The following CDK8 variants were observed in gnomAD, a reference collection of about 807,000 sequenced individuals.
CDK8 encodes cyclin-dependent kinase 8.
Under a neutral mutation model 71.5 loss-of-function variants are expected in CDK8, and 29 were observed. The observed-to-expected ratio is 0.41, with a 90% CI of 0.30 to 0.55. The LOEUF (loss-of-function observed/expected upper bound fraction) is 0.55, where lower values mean the gene tolerates loss of function less well. Among genes scored for constraint, CDK8 ranks in the 20% least tolerant of loss-of-function variants. CDK8 has a pLI of 0.37. For synonymous variants in CDK8, 161 were observed against 192.1 expected, an observed-to-expected ratio of 0.84 and a Z score of 1.34; for missense variants, 288 against 572.6, an observed-to-expected ratio of 0.50 and a Z score of 5.07.
At chr13:26,312,664 G>A (rs982424732) in intron 1 of CDK8, among the ~76,000 whole-genome samples, 2 of 152,256 alleles carry the variant, frequency 1.3e-5, no homozygotes, top group East Asian at 1.9e-4. Flanking sequence ...TAGGGTCCGC[G>A]GCTTCATTCT....
chr13:26,305,409 T>G (rs1459512978), intron 1 of CDK8, among the ~76,000 whole-genome samples: 2 of 152,178 alleles, frequency 1.3e-5, no homozygotes, highest in African/African-American at 4.8e-5. Context: ...TTAAAATAAT[T>G]TTTCTAAGAA....
Position 26,369,791 on chromosome 13 carries a change from C to G in CDK8, c.457-13023C>G, listed in dbSNP as rs113032528. ...CAGGATGGTCTCGATCTCCTGACCT[C>G]CTGATCCACCCAGCTCGGCCTCCCA... On this transcript the variant is annotated intron_variant, in intron 4 of 12. Transcript: ENST00000381527. Among the ~76,000 whole-genome samples the G allele has an allele frequency of 9.3e-3, 1,397 of 149,468 alleles. 21 individuals are homozygous for G. Among genetic ancestry groups the G allele is most frequent in the African/African-American group, 0.032 (1,310 of 40,442 alleles).
chr13:26,319,119 A>G (rs1427516198), intron 1 of CDK8, among the ~76,000 whole-genome samples: 1 of 152,224 alleles, frequency 6.6e-6, no homozygotes, highest in Non-Finnish European at 1.5e-5. Flanking sequence ...TCCGTACACT[A>G]ATAGAAAACA....
intron 4 of CDK8, among the ~76,000 whole-genome samples, chr13:26,365,160 A>G (rs1874328750): frequency 6.6e-6 from 1 of 152,194 alleles, no homozygotes; most frequent in African/African-American, 2.4e-5. Flanking sequence ...TTGCAACCAT[A>G]AAATTTAGGC....
At chr13:26,391,863 TG>T (rs1875761397) in intron 6 of CDK8, among the ~76,000 whole-genome samples, 1 of 152,260 alleles carries the variant, frequency 6.6e-6, no homozygotes, top group Non-Finnish European at 1.5e-5. Context: ...TACTTTGAAA[TG>T]TAAATATGTG....
chr13:26,305,898 C>T (rs959110784), intron 1 of CDK8, among the ~76,000 whole-genome samples: 5 of 152,116 alleles, frequency 3.3e-5, no homozygotes, highest in African/African-American at 9.7e-5. Flanking sequence ...AAAGACAGCT[C>T]CTCTATTTGG....
At chr13:26,259,803 T>C (rs1452700139) in intron 1 of CDK8, among the ~76,000 whole-genome samples, 1 of 152,228 alleles carries the variant, frequency 6.6e-6, no homozygotes, top group African/African-American at 2.4e-5. Context: ...CAAGTATTTA[T>C]TGGACCCTTC....
intron 6 of CDK8, 57 bp downstream of exon 6, chr13:26,385,399 C>T: frequency 7.3e-7 from 1 of 1,376,656 alleles, no homozygotes; most frequent in Non-Finnish European, 1.0e-6. Context: ...AAAAGACACA[C>T]ATTCCTATAT....
rs192799840 is a variant in CDK8, at chr13:26,268,835, C to T, written c.128+14066C>T. On this transcript the variant is annotated intron_variant, in intron 1 of 12. Transcript: ENST00000381527. ...TTCTACCTCCATGCAGTTTATTTAG[C>T]ACTGACCTGTAGTTCTCTTACTCTT... Among the ~76,000 whole-genome samples the T allele has an allele frequency of 8.5e-5, 13 of 152,252 alleles. No individual in the cohort carries two copies. The East Asian group carries it at 2.3e-3, about 27-fold the overall frequency.
At chr13:26,360,320 A>G (rs1025963879) in intron 4 of CDK8, among the ~76,000 whole-genome samples, 4 of 152,120 alleles carry the variant, frequency 2.6e-5, no homozygotes, top group African/African-American at 9.7e-5. Context: ...ACATTGTCAA[A>G]TATGCTGGTA....
intron 2 of CDK8, among the ~76,000 whole-genome samples, chr13:26,346,432 TTTG>T (rs1418665661): frequency 6.6e-6 from 1 of 152,236 alleles, no homozygotes; most frequent in Non-Finnish European, 1.5e-5. Flanking sequence ...TGCTTTGGAA[TTTG>T]TTGTTTTTTT....
At chr13:26,362,257 TGG>T (rs1491114274) in intron 4 of CDK8, among the ~76,000 whole-genome samples, 2 of 151,764 alleles carry the variant, frequency 1.3e-5, no homozygotes, top group African/African-American at 4.8e-5. Flanking sequence ...GATGGATGGA[TGG>T]ATGGATGGAT....
intron 1 of CDK8, among the ~76,000 whole-genome samples, chr13:26,295,226 T>C (rs569724786): frequency 6.6e-6 from 1 of 152,318 alleles, no homozygotes; most frequent in Admixed American, 6.5e-5. Flanking sequence ...TCTTTGCTTA[T>C]AGGGAGATCA....
At chr13:26,329,955 C>G (rs963147297) in intron 1 of CDK8, among the ~76,000 whole-genome samples, 8 of 152,162 alleles carry the variant, frequency 5.3e-5, no homozygotes, top group African/African-American at 1.9e-4. Flanking sequence ...TTTGTATATA[C>G]TGTTTCCACT....
intron 2 of CDK8, among the ~76,000 whole-genome samples, chr13:26,346,507 G>A (rs1271450483): frequency 6.6e-6 from 1 of 152,204 alleles, no homozygotes; most frequent in African/African-American, 2.4e-5. Context: ...TTAGGAGTGT[G>A]TTCCAATTTT....
intron 9 of CDK8, 111 bp downstream of exon 9, chr13:26,397,336 C>A: frequency 3.1e-6 from 2 of 647,024 alleles, no homozygotes; most frequent in Non-Finnish European, 5.5e-6. Flanking sequence ...ACTCAGAGTG[C>A]TTTCATGGTA....
At chr13:26,380,632 T>C (rs554891130) in intron 4 of CDK8, among the ~76,000 whole-genome samples, 4 of 151,918 alleles carry the variant, frequency 2.6e-5, no homozygotes, top group Non-Finnish European at 2.9e-5. Flanking sequence ...TCACCACGCC[T>C]GGCTGATTTA....
At chr13:26,381,491 G>A (rs973309765) in intron 4 of CDK8, among the ~76,000 whole-genome samples, 9 of 152,082 alleles carry the variant, frequency 5.9e-5, no homozygotes, top group South Asian at 4.1e-4. Flanking sequence ...AGATTTTTTT[G>A]TGAATAAAAC....
intron 1 of CDK8, among the ~76,000 whole-genome samples, chr13:26,294,084 C>T (rs1873429027): frequency 6.6e-6 from 1 of 151,972 alleles, no homozygotes. Flanking sequence ...CATGTTGTTG[C>T]AAATGACCAG....
Sources: gnomAD v4.1 joint callset for allele counts (sites outside exome capture counted in the v4.1 genomes callset) on GRCh38, gnomAD v4.1.1 for gene constraint, MANE v1.5 for transcripts, NCBI Gene and HGNC (gene_info 2026-07-23, HGNC 2026-07-21) for gene names.